The following ARNT2 variants were observed in gnomAD, a reference collection of about 807,000 sequenced individuals.
The protein encoded by ARNT2 is aryl hydrocarbon receptor nuclear translocator 2, also known as ARNT protein 2.
ARNT2 carries 36 observed loss-of-function variants against 91.7 expected under a neutral mutation model. The ratio of observed to expected loss-of-function variants is 0.39; its 90% CI spans 0.30 to 0.52. The LOEUF (loss-of-function observed/expected upper bound fraction) is 0.52, where lower values mean the gene tolerates loss of function less well. ARNT2 is among the 20% of genes least tolerant of loss of function. The pLI, the probability that ARNT2 is intolerant of heterozygous loss-of-function variation, is 0.72. For synonymous variants in ARNT2, 365 were observed against 347.1 expected, an observed-to-expected ratio of 1.05 and a Z score of -0.57; for missense variants, 775 against 939.3, an observed-to-expected ratio of 0.83 and a Z score of 2.29.
intron 14 of ARNT2, among the ~76,000 whole-genome samples, chr15:80,575,974 C>T (rs919158839): frequency 6.6e-6 from 1 of 152,218 alleles, no homozygotes; most frequent in Admixed American, 6.5e-5. Context: ...TCTGTTTGCT[C>T]CCTTAATCAG....
chr15:80,459,936 G>A (rs1464299927), intron 3 of ARNT2, among the ~76,000 whole-genome samples: 3 of 152,226 alleles, frequency 2.0e-5, no homozygotes, highest in Non-Finnish European at 2.9e-5. Flanking sequence ...TCTCAGCACT[G>A]GGAGAGACGA....
chr15:80,462,575 G>C (rs1735069265), intron 3 of ARNT2, among the ~76,000 whole-genome samples: 1 of 152,072 alleles, frequency 6.6e-6, no homozygotes, highest in Non-Finnish European at 1.5e-5. Context: ...GACCCTAAAG[G>C]CCTTCCAAGG....
At chr15:80,550,337 G>A (rs1412503377) in intron 8 of ARNT2, among the ~76,000 whole-genome samples, 1 of 152,196 alleles carries the variant, frequency 6.6e-6, no homozygotes, top group Non-Finnish European at 1.5e-5. Context: ...ATCAATGTCT[G>A]GAGTGAGGGG....
chr15:80,586,608 G>A (rs1893176370), intron 17 of ARNT2, among the ~76,000 whole-genome samples: 1 of 152,158 alleles, frequency 6.6e-6, no homozygotes, highest in African/African-American at 2.4e-5. Context: ...GCTCATACCT[G>A]TAATCCCAGC....
intron 8 of ARNT2, among the ~76,000 whole-genome samples, chr15:80,529,278 G>A (rs916727004): frequency 3.3e-5 from 5 of 152,160 alleles, no homozygotes; most frequent in African/African-American, 1.2e-4. Context: ...AGTCACTTCT[G>A]TTGTAAGTTT....
chr15:80,478,113 A>T (rs1896833693), intron 5 of ARNT2, among the ~76,000 whole-genome samples: 1 of 152,218 alleles, frequency 6.6e-6, no homozygotes, highest in Admixed American at 6.5e-5. Flanking sequence ...CACCTTATAA[A>T]GTTAAATATT....
At position 80,575,608 on chromosome 15, in the gene ARNT2, G is replaced by A. The variant is rs746341897; in HGVS notation, c.1513+498G>A. On this transcript the variant is annotated intron_variant, in intron 14 of 18. Transcript: ENST00000303329. ...GGGTCTTGAGCCCATTTCTTCAGCC[G>A]TGTGGCTGTGGGTGAGCCTGTGGGT... Among the ~76,000 whole-genome samples, 41 of 152,344 alleles carry A rather than the reference G, an allele frequency of 2.7e-4. 2 individuals are homozygous for A. The highest frequency in any genetic ancestry group is 4.1e-4 in the South Asian group (2 of 4,820).
At chr15:80,567,531 C>T (rs1002319864) in intron 12 of ARNT2, among the ~76,000 whole-genome samples, 2 of 152,154 alleles carry the variant, frequency 1.3e-5, no homozygotes, top group African/African-American at 2.4e-5. Flanking sequence ...CGCAGGGCCT[C>T]GGAGAAAGCA....
At chr15:80,555,442 T>C (rs574641021) in intron 11 of ARNT2, 65 of 347,594 alleles carry the variant, frequency 1.9e-4, no homozygotes, top group African/African-American at 1.2e-3. Context: ...GGGGAGAGAA[T>C]AACTGGGATG....
intron 1 of ARNT2, 61 bp from the exon 2 acceptor site, chr15:80,450,819 T>C: frequency 1.3e-6 from 2 of 1,550,378 alleles, no homozygotes; most frequent in Non-Finnish European, 1.8e-6. Flanking sequence ...ATCACAACTT[T>C]CTTGCCCGTT....
In ARNT2 at chr15:80,465,208, T is replaced by C. The variant is rs894583263; in HGVS notation, c.195-5010T>C. On this transcript the variant is annotated intron_variant, in intron 3 of 18. Coordinates refer to ENST00000303329, the MANE Select transcript of ARNT2 (RefSeq NM_014862.4). ...AGGTTATCACTGTGTGCTGGGTGAA[T>C]TCTGAAAAGGAAAAAACTCCTGGTG... is the stretch of plus-strand genomic sequence containing the variant. 7.2e-5 allele frequency among the ~76,000 whole-genome samples: 11 copies of C among 152,298 alleles called. 2 individuals are homozygous for C.
intron 18 of ARNT2, among the ~76,000 whole-genome samples, chr15:80,592,783 A>G (rs1023469033): frequency 5.3e-5 from 8 of 152,246 alleles, no homozygotes; most frequent in African/African-American, 1.9e-4. Context: ...CAACCCTGTA[A>G]GGCAGAATTT....
At chr15:80,546,296 C>T (rs893962388) in intron 8 of ARNT2, among the ~76,000 whole-genome samples, 4 of 152,164 alleles carry the variant, frequency 2.6e-5, no homozygotes, top group Non-Finnish European at 5.9e-5. Context: ...TAGCACTCCC[C>T]GGTCATATCT....
intron 5 of ARNT2, among the ~76,000 whole-genome samples, chr15:80,494,660 A>G (rs1180985714): frequency 1.3e-5 from 2 of 152,188 alleles, no homozygotes; most frequent in Non-Finnish European, 2.9e-5. Context: ...GCGGTGGCCC[A>G]TGATCCCACA....
At chr15:80,522,796 ATATG>A (rs1382349707) in intron 8 of ARNT2, among the ~76,000 whole-genome samples, 4 of 123,180 alleles carry the variant, frequency 3.2e-5, no homozygotes, top group African/African-American at 1.0e-4. Context: ...TGATATTTAC[ATATG>A]TGTGTGTGTG....
chr15:80,548,135 A>G (rs924456528), intron 8 of ARNT2, among the ~76,000 whole-genome samples: 4 of 152,130 alleles, frequency 2.6e-5, no homozygotes, highest in Non-Finnish European at 5.9e-5. Context: ...GTGTGAGGCC[A>G]TATTTTCTTC....
At chr15:80,544,696 A>C (rs1408471847) in intron 8 of ARNT2, among the ~76,000 whole-genome samples, 1 of 152,196 alleles carries the variant, frequency 6.6e-6, no homozygotes, top group African/African-American at 2.4e-5. Context: ...TGTAATGATC[A>C]CACCTAAAGT....
chr15:80,566,434 C>T (rs1366211162), intron 12 of ARNT2, among the ~76,000 whole-genome samples: 3 of 152,210 alleles, frequency 2.0e-5, no homozygotes, highest in Non-Finnish European at 2.9e-5. Flanking sequence ...TTCTTCATCT[C>T]CCTGCACGTC....
At chr15:80,516,853 AT>A (rs1451709889) in intron 8 of ARNT2, among the ~76,000 whole-genome samples, 1 of 139,048 alleles carries the variant, frequency 7.2e-6, no homozygotes, top group Non-Finnish European at 1.6e-5. Context: ...ATATATATAT[AT>A]ATCCATGTTC....
Sources: allele counts gnomAD v4.1 joint callset (sites outside exome capture counted in the v4.1 genomes callset), GRCh38; gene constraint gnomAD v4.1.1; transcripts MANE v1.5; gene names NCBI Gene and HGNC (gene_info 2026-07-23, HGNC 2026-07-21).